Variants in CYFIP2 observed in about 807,000 individuals in gnomAD.
CYFIP2 encodes cytoplasmic FMR1 interacting protein 2.
A neutral mutation model predicts 158.7 loss-of-function variants in CYFIP2; 29 were observed. The observed-to-expected ratio is 0.18, with a 90% CI of 0.14 to 0.25. The LOEUF is 0.25. CYFIP2 is among the 10% of genes least tolerant of loss of function. The probability of loss-of-function intolerance (pLI) is 1.00; values close to 1 mark genes in which losing one functional copy is unlikely to be tolerated. For synonymous variants in CYFIP2, 585 were observed against 617.6 expected (o/e 0.95, Z 0.78); for missense variants, 852 against 1,639.5 (o/e 0.52, Z 8.29).
At chr5:157,332,195 T>C (rs1287662726) in intron 20 of CYFIP2, among the ~76,000 whole-genome samples, 1 of 152,214 alleles carries the variant, frequency 6.6e-6, no homozygotes, top group African/African-American at 2.4e-5. Flanking sequence ...CCTGAGTGAA[T>C]CGTATTTTTC....
At chr5:157,340,743 C>T (rs1490157868) in intron 22 of CYFIP2, among the ~76,000 whole-genome samples, 1 of 152,148 alleles carries the variant, frequency 6.6e-6, no homozygotes, top group Non-Finnish European at 1.5e-5. Context: ...GAACTCTGCT[C>T]TTGAGAAACC....
intron 28 of CYFIP2, among the ~76,000 whole-genome samples, chr5:157,387,810 T>TG (rs2113542219): frequency 6.6e-6 from 1 of 152,320 alleles, no homozygotes; most frequent in South Asian, 2.1e-4. Flanking sequence ...CTCTCCTTCG[T>TG]GTTTAAAACA....
chr5:157,388,243 A>G (rs1038507361), intron 28 of CYFIP2, among the ~76,000 whole-genome samples: 1 of 152,206 alleles, frequency 6.6e-6, no homozygotes, highest in Non-Finnish European at 1.5e-5. Context: ...GTTTTGACTC[A>G]TAACATGTGT....
At chr5:157,385,410 C>T (rs1181495725) in intron 28 of CYFIP2, among the ~76,000 whole-genome samples, 1 of 152,298 alleles carries the variant, frequency 6.6e-6, no homozygotes, top group Non-Finnish European at 1.5e-5. Context: ...ATATTAACTT[C>T]TGAGAAGGTT....
At chr5:157,385,500 G>A (rs753299803) in intron 28 of CYFIP2, among the ~76,000 whole-genome samples, 8 of 152,204 alleles carry the variant, frequency 5.3e-5, no homozygotes, top group Non-Finnish European at 7.3e-5. Flanking sequence ...AGCTTGAGCA[G>A]TATTGCATTC....
intron 15 of CYFIP2, among the ~76,000 whole-genome samples, chr5:157,323,657 G>A (rs942789861): frequency 2.0e-5 from 3 of 152,146 alleles, no homozygotes; most frequent in South Asian, 2.1e-4. Context: ...TGATATACAC[G>A]CCCTTGGCCA....
At chr5:157,313,254 A>G (rs1759884367) in intron 11 of CYFIP2, among the ~76,000 whole-genome samples, 1 of 152,198 alleles carries the variant, frequency 6.6e-6, no homozygotes, top group Admixed American at 6.5e-5. Flanking sequence ...ACCTTGTTTT[A>G]TATGTGCTTC....
chr5:157,299,538 A>AT (rs954969565), intron 5 of CYFIP2, among the ~76,000 whole-genome samples: 1 of 151,778 alleles, frequency 6.6e-6, no homozygotes, highest in Non-Finnish European at 1.5e-5. Flanking sequence ...TTCCTTCTTT[A>AT]TTTTTTTCCA....
chr5:157,336,330 G>A (rs10037422), intron 21 of CYFIP2, among the ~76,000 whole-genome samples: 70,655 of 152,094 alleles, frequency 0.46, 18,260 homozygotes, highest in African/African-American at 0.71. Context: ...TTTTGTTTAG[G>A]CAGCATAGTA....
chr5:157,354,052 A>G (rs1763251847), intron 23 of CYFIP2, among the ~76,000 whole-genome samples: 1 of 152,246 alleles, frequency 6.6e-6, no homozygotes, highest in African/African-American at 2.4e-5. Flanking sequence ...AAGTTCATCT[A>G]CAGATAATAT....
rs2113041052 is a variant in CYFIP2 at position 157,311,755 on chromosome 5, G to A, written c.1084G>A (p.Glu362Lys). The change falls in exon 11 of 31, where the codon GAG (glutamate) becomes AAG (lysine). Residue 362 changes from glutamate (E) to lysine (K), a missense_variant. Coordinates refer to ENST00000620254, the MANE Select transcript of CYFIP2 (RefSeq NM_001037333.3). The surrounding 1 kb of genome is among the most constrained non-coding windows in gnomAD (Gnocchi z 4.7). ...GGATGACCACATCCGCTTCATCTCCGAGCTCGCTCGCTACAGCAACAGTGA... is the reference window on the plus strand; with the variant it reads ...GGATGACCACATCCGCTTCATCTCCAAGCTCGCTCGCTACAGCAACAGTGA... ...IRDDHIRFISELARYSNSEVV... is the reference protein window; with the variant it reads ...IRDDHIRFISKLARYSNSEVV... 1 of 1,601,308 alleles carries A rather than the reference G, an allele frequency of 6.2e-7. No individual in the cohort carries two copies. Among genetic ancestry groups the A allele is most frequent in the Non-Finnish European group, 8.5e-7 (1 of 1,174,030 alleles).
At chr5:157,332,640 C>T (rs1369450702) in intron 20 of CYFIP2, among the ~76,000 whole-genome samples, 2 of 152,080 alleles carry the variant, frequency 1.3e-5, no homozygotes, top group Admixed American at 6.6e-5. Context: ...GGTGTCAGCG[C>T]GAATCTTTAT....
chr5:157,339,308 A>G, intron 22 of CYFIP2, 52 bp downstream of exon 22: 1 of 1,534,746 alleles, frequency 6.5e-7, no homozygotes, highest in Non-Finnish European at 8.9e-7. Context: ...GGGAGTGGCC[A>G]GCTGCCTCCT....
chr5:157,300,905 A>G lies in CYFIP2; in HGVS notation c.569+9A>G. 1 of 1,545,056 alleles carries G rather than the reference A, an allele frequency of 6.5e-7. No homozygotes were observed. Among genetic ancestry groups the G allele is most frequent in the Non-Finnish European group, 8.8e-7 (1 of 1,138,504 alleles). ...CACTCTGCCTACAAGAGGTCAGGGC[A>G]ACCTCCCCCTCTCCCCTTTCCCCAT... On this transcript the variant is annotated intron_variant, in intron 6 of 30. Transcript: ENST00000620254.
chr5:157,388,964 GCTA>G (rs1766979356), intron 28 of CYFIP2, among the ~76,000 whole-genome samples: 1 of 152,116 alleles, frequency 6.6e-6, no homozygotes, highest in Non-Finnish European at 1.5e-5. Flanking sequence ...AAATTAATCC[GCTA>G]CTGATGGTGC....
At chr5:157,317,505 T>C (rs1210366001) in intron 13 of CYFIP2, among the ~76,000 whole-genome samples, 1 of 152,172 alleles carries the variant, frequency 6.6e-6, no homozygotes, top group African/African-American at 2.4e-5. Context: ...ATTTTCTACT[T>C]TGGGAAATGA....
chr5:157,313,434 T>C (rs1034471207), intron 11 of CYFIP2, among the ~76,000 whole-genome samples: 5 of 152,176 alleles, frequency 3.3e-5, no homozygotes, highest in Admixed American at 1.3e-4. Context: ...AGCCCTAAGC[T>C]TGGGGGCCAT....
At chr5:157,389,895 G>T (rs953253874) in intron 29 of CYFIP2, among the ~76,000 whole-genome samples, 1 of 152,312 alleles carries the variant, frequency 6.6e-6, no homozygotes, top group African/African-American at 2.4e-5. Flanking sequence ...GGGAACTGGG[G>T]ACACCTGCCC....
chr5:157,305,424 T>C (rs1759132382), intron 8 of CYFIP2, among the ~76,000 whole-genome samples: 1 of 152,248 alleles, frequency 6.6e-6, no homozygotes, highest in Non-Finnish European at 1.5e-5. Context: ...AGAATTGTCA[T>C]ATGTATTGTT....
Sources: gnomAD v4.1 joint callset for allele counts (sites outside exome capture counted in the v4.1 genomes callset) on GRCh38, gnomAD v4.1.1 for gene constraint, Gnocchi (gnomAD v3.1) non-coding constraint, MANE v1.5 for transcripts, NCBI Gene and HGNC (gene_info 2026-07-23, HGNC 2026-07-21) for gene names.